NDUFA10: variants seen among roughly 807,000 people sequenced by gnomAD.
The protein encoded by NDUFA10 is NADH dehydrogenase [ubiquinone] 1 alpha subcomplex subunit 10, mitochondrial.
NDUFA10 carries 40 observed loss-of-function variants against 47.8 expected under a neutral mutation model. The observed-to-expected ratio is 0.84, with a 90% CI of 0.65 to 1.09. The LOEUF (loss-of-function observed/expected upper bound fraction) is 1.09, where lower values mean the gene tolerates loss of function less well. Among genes scored for constraint, NDUFA10 ranks in the 50% least tolerant of loss-of-function variants. The probability of loss-of-function intolerance (pLI) is 0.00; values close to 1 mark genes in which losing one functional copy is unlikely to be tolerated. For missense variants in NDUFA10, 413 were observed against 451.1 expected (o/e 0.92, Z 0.76); for synonymous variants, 183 against 172.2 (o/e 1.06, Z -0.49).
intron 4 of NDUFA10, among the ~76,000 whole-genome samples, chr2:239,951,243 G>A (rs1480667719): frequency 6.6e-6 from 1 of 152,216 alleles, no homozygotes; most frequent in African/African-American, 2.4e-5. Flanking sequence ...GTGCCCACAG[G>A]GCGTGCGGGA....
chr2:239,941,717 T>G (rs1414394300), intron 4 of NDUFA10, among the ~76,000 whole-genome samples: 1 of 146,416 alleles, frequency 6.8e-6, no homozygotes, highest in Non-Finnish European at 1.5e-5. Flanking sequence ...AGAGTAAGAC[T>G]CTGTCTCAAA....
intron 4 of NDUFA10, among the ~76,000 whole-genome samples, chr2:239,908,253 G>T (rs374943135): frequency 7.9e-5 from 12 of 152,208 alleles, no homozygotes; most frequent in African/African-American, 2.4e-4. Context: ...GTTGTGGGGT[G>T]GGGGGAGAGG....
chr2:239,982,539 T>C (rs1247061788), intron 9 of NDUFA10, among the ~76,000 whole-genome samples: 1 of 152,208 alleles, frequency 6.6e-6, no homozygotes, highest in Non-Finnish European at 1.5e-5. Flanking sequence ...TGATGGCTCC[T>C]TGGGCTCTGG....
chr2:239,944,924 G>A (rs1400259650), intron 4 of NDUFA10, among the ~76,000 whole-genome samples: 2 of 152,110 alleles, frequency 1.3e-5, no homozygotes, highest in African/African-American at 4.8e-5. Context: ...TAGGTGGGGG[G>A]CACACTGGCC....
intron 4 of NDUFA10, among the ~76,000 whole-genome samples, chr2:239,933,883 C>T (rs1412149648): frequency 2.1e-5 from 3 of 142,000 alleles, no homozygotes; most frequent in Non-Finnish European, 3.1e-5. Context: ...TTAGAGAGGG[C>T]GTCTCACTCT....
chr2:239,962,459 G>A (rs1694896122), intron 9 of NDUFA10, among the ~76,000 whole-genome samples: 1 of 152,046 alleles, frequency 6.6e-6, no homozygotes, highest in Non-Finnish European at 1.5e-5. Flanking sequence ...CAGACAGGTC[G>A]CCCCAAGACC....
chr2:239,895,409 T>C (rs960127816), intron 4 of NDUFA10: 14 of 255,440 alleles, frequency 5.5e-5, no homozygotes, highest in African/African-American at 3.0e-4. Flanking sequence ...TCCACACTCA[T>C]AGGTTCTGAA....
At chr2:239,964,523 G>A (rs1438493424) in intron 9 of NDUFA10, among the ~76,000 whole-genome samples, 2 of 152,152 alleles carry the variant, frequency 1.3e-5, no homozygotes, top group Non-Finnish European at 1.5e-5. Flanking sequence ...GACTCCTGCC[G>A]GGTGTCTGCT....
chr2:239,896,450 A>G (rs1383583967), intron 4 of NDUFA10, among the ~76,000 whole-genome samples: 1 of 152,204 alleles, frequency 6.6e-6, no homozygotes, highest in Non-Finnish European at 1.5e-5. Context: ...GTAGAGGAGC[A>G]TGTTAAACAC....
intron 1 of NDUFA10, among the ~76,000 whole-genome samples, chr2:240,023,811 C>A (rs967489560): frequency 6.6e-6 from 1 of 152,106 alleles, no homozygotes; most frequent in African/African-American, 2.4e-5. Flanking sequence ...AAGCAGACAA[C>A]CCAATTTAAA....
intron 4 of NDUFA10, chr2:240,017,869 C>T: frequency 6.4e-7 from 1 of 1,571,992 alleles, no homozygotes; most frequent in South Asian, 1.2e-5. Flanking sequence ...TCTGAGCTCC[C>T]AGATTCCAGC....
At chr2:239,986,161 G>A (rs769625843) in intron 9 of NDUFA10, among the ~76,000 whole-genome samples, 9 of 152,154 alleles carry the variant, frequency 5.9e-5, no homozygotes, top group Non-Finnish European at 1.5e-5. Flanking sequence ...ACAAAAGCCA[G>A]AAGTATAAAA....
At chr2:239,911,768 C>G (rs1413445465) in intron 4 of NDUFA10, among the ~76,000 whole-genome samples, 2 of 151,870 alleles carry the variant, frequency 1.3e-5, no homozygotes, top group African/African-American at 4.8e-5. Flanking sequence ...CAGTCTCTCT[C>G]TTGTGCACAC....
chr2:239,911,821 T>C (rs1273320142), intron 4 of NDUFA10, among the ~76,000 whole-genome samples: 1 of 151,138 alleles, frequency 6.6e-6, no homozygotes, highest in Non-Finnish European at 1.5e-5. Context: ...ACGCCCTCGG[T>C]GACCAGCAGT....
chr2:239,980,895 C>A (rs1318406798), intron 9 of NDUFA10, among the ~76,000 whole-genome samples: 1 of 152,198 alleles, frequency 6.6e-6, no homozygotes, highest in African/African-American at 2.4e-5. Context: ...CTCCTGCCAG[C>A]AAGGAGACCC....
At chr2:239,938,855 A>G (rs1337249291) in intron 4 of NDUFA10, among the ~76,000 whole-genome samples, 1 of 135,458 alleles carries the variant, frequency 7.4e-6, no homozygotes, top group African/African-American at 2.6e-5. Context: ...GCACAAGTGC[A>G]TGAGCTGAGC....
At chr2:239,922,210 C>A (rs1694001851) in intron 4 of NDUFA10, among the ~76,000 whole-genome samples, 1 of 152,142 alleles carries the variant, frequency 6.6e-6, no homozygotes, top group African/African-American at 2.4e-5. Flanking sequence ...TTTATACCCA[C>A]TTCTGCTCTG....
chr2:239,937,889 T>C (rs949334175), intron 4 of NDUFA10, among the ~76,000 whole-genome samples: 3 of 152,192 alleles, frequency 2.0e-5, no homozygotes, highest in African/African-American at 2.4e-5. Context: ...TAACAAATTA[T>C]TTGTAACACA....
At chr2:239,920,629 C>T (rs775425047) in intron 4 of NDUFA10, among the ~76,000 whole-genome samples, 2 of 152,208 alleles carry the variant, frequency 1.3e-5, no homozygotes, top group Non-Finnish European at 2.9e-5. Context: ...TAGAGCCCAA[C>T]ATCCAACTGC....
Sources: gnomAD v4.1 joint callset for allele counts (sites outside exome capture counted in the v4.1 genomes callset) on GRCh38, gnomAD v4.1.1 for gene constraint, MANE v1.5 for transcripts, NCBI Gene and HGNC (gene_info 2026-07-23, HGNC 2026-07-21) for gene names.